SOX5: variants seen among roughly 807,000 people sequenced by gnomAD.
SOX5 encodes transcription factor SOX-5.
In SOX5, 9 loss-of-function variants were observed where a neutral mutation model predicts 92.0. The observed-to-expected ratio is 0.10, with a 90% CI of 0.06 to 0.17. The LOEUF (loss-of-function observed/expected upper bound fraction) is 0.17. SOX5 is among the 10% of genes least tolerant of loss of function. SOX5 has a pLI of 1.00. For missense variants in SOX5, 642 were observed against 944.5 expected (o/e 0.68, Z 4.20); for synonymous variants, 344 against 336.3 (o/e 1.02, Z -0.25).
In SOX5 at chr12:23,841,917, T is replaced by TA. The variant is rs1568254811; in HGVS notation, c.481+4065_481+4066insT. Among the ~76,000 whole-genome samples, 158 of 152,274 alleles carry TA rather than the reference T, an allele frequency of 1.0e-3. 1 individual carries two copies. The highest frequency in any genetic ancestry group is 3.7e-3 in the African/African-American group (152 of 41,574). On this transcript the variant is annotated intron_variant, in intron 3 of 14. Transcript: ENST00000451604. The stretch of plus-strand genomic sequence containing the variant: ...CTGCATTATACATTGTACATTTCTA[T>TA]GCATTTGCACATATAAATGTATAAT...
intron 7 of SOX5, 67 bp from the exon 8 acceptor site, chr12:23,640,964 G>A: frequency 9.5e-7 from 1 of 1,051,064 alleles, no homozygotes; most frequent in Non-Finnish European, 1.4e-6. Context: ...TTAAACTCAT[G>A]CATTCACTCT....
chr12:24,162,657 T>C (rs1435706751), intron 4 of SOX5, among the ~76,000 whole-genome samples: 2 of 152,166 alleles, frequency 1.3e-5, no homozygotes, highest in Non-Finnish European at 2.9e-5. Flanking sequence ...TCCTTTATCC[T>C]CTGGGAAAAC....
At chr12:24,141,149 C>T (rs1379295357) in intron 4 of SOX5, among the ~76,000 whole-genome samples, 1 of 152,132 alleles carries the variant, frequency 6.6e-6, no homozygotes, top group African/African-American at 2.4e-5. Flanking sequence ...CTCTGCAAAC[C>T]TCTCTTCATG....
chr12:24,380,542 A>G (rs1957723129), intron 1 of SOX5, among the ~76,000 whole-genome samples: 1 of 152,220 alleles, frequency 6.6e-6, no homozygotes, highest in Admixed American at 6.5e-5. Flanking sequence ...TAACCTCAGA[A>G]GTTTTGTGAT....
chr12:24,045,690 A>T (rs1956932480), intron 4 of SOX5, among the ~76,000 whole-genome samples: 1 of 152,136 alleles, frequency 6.6e-6, no homozygotes, highest in South Asian at 2.1e-4. Context: ...GCTATTTGTA[A>T]ATTTCAATGT....
chr12:24,312,104 T>C (rs547969524), intron 2 of SOX5, among the ~76,000 whole-genome samples: 4 of 152,322 alleles, frequency 2.6e-5, no homozygotes, highest in Non-Finnish European at 5.9e-5. Flanking sequence ...TCAACTAACA[T>C]TGAGACCACA....
At chr12:23,786,160 T>C (rs1488732673) in intron 3 of SOX5, among the ~76,000 whole-genome samples, 9 of 152,038 alleles carry the variant, frequency 5.9e-5, no homozygotes, top group Non-Finnish European at 1.2e-4. Context: ...AGTTTTGTTA[T>C]AATAGGATAT....
At chr12:23,717,679 TC>T (rs1043612713) in intron 6 of SOX5, among the ~76,000 whole-genome samples, 29 of 152,264 alleles carry the variant, frequency 1.9e-4, no homozygotes, top group African/African-American at 6.7e-4. Flanking sequence ...TGGGCAGACA[TC>T]CCACTGATAT....
At chr12:24,263,544 AAAAAAAAAC>A (rs1594932687) in intron 3 of SOX5, among the ~76,000 whole-genome samples, 3 of 149,518 alleles carry the variant, frequency 2.0e-5, no homozygotes, top group African/African-American at 7.3e-5. Flanking sequence ...AAAAAAACAA[AAAAAAAAAC>A]AAAAACAAGA....
intron 4 of SOX5, among the ~76,000 whole-genome samples, chr12:24,178,651 A>T (rs764115178): frequency 2.0e-5 from 3 of 152,244 alleles, no homozygotes; most frequent in African/African-American, 4.8e-5. Context: ...CCTTGTGAAA[A>T]GTATTTTAGA....
rs188727711 is a variant in SOX5 at position 24,424,463 on chromosome 12, C to T, written c.-250-55824G>A. On this transcript the variant is annotated intron_variant, in intron 1 of 4. Coordinates refer to the SOX5 transcript ENST00000446891. ...TTGCCATAATTGTTAGTTTTTATGG[C>T]ATATACTAGTGTTTAAACAAGCACT... 3.9e-4 allele frequency among the ~76,000 whole-genome samples: 59 copies of T among 152,126 alleles called. 1 individual carries two copies. The Middle Eastern group carries it at 0.017, about 44-fold the overall frequency.
chr12:24,273,074 A>G (rs555127923), intron 3 of SOX5, among the ~76,000 whole-genome samples: 1 of 152,172 alleles, frequency 6.6e-6, no homozygotes, highest in African/African-American at 2.4e-5. Context: ...CTCTACTAAA[A>G]GTATAAAAGA....
rs145237573 is a variant in SOX5, at chr12:24,278,114, G to A, written c.-173-802C>T. Among the ~76,000 whole-genome samples, 1,014 of 152,214 alleles carry A rather than the reference G, an allele frequency of 6.7e-3. 10 individuals are homozygous for A. Among genetic ancestry groups the A allele is most frequent in the Middle Eastern group, 0.044 (13 of 294 alleles). ...GCCTTGATTCTGGCTCAGTCGCTCC[G>A]CTATTAGTCCAATTCAAGGGAAATT... On this transcript the variant is annotated intron_variant, in intron 2 of 4. Transcript: ENST00000446891.
At chr12:23,549,406 A>G (rs1943751960) in intron 11 of SOX5, among the ~76,000 whole-genome samples, 2 of 151,944 alleles carry the variant, frequency 1.3e-5, no homozygotes, top group South Asian at 2.1e-4. Flanking sequence ...GATAAAAATC[A>G]TGTTACTCAA....
chr12:23,802,682 A>G (rs1269196127), intron 3 of SOX5, among the ~76,000 whole-genome samples: 4 of 152,214 alleles, frequency 2.6e-5, no homozygotes, highest in Non-Finnish European at 5.9e-5. Flanking sequence ...ATCAGCTATA[A>G]TTGTTTTGTA....
intron 11 of SOX5, among the ~76,000 whole-genome samples, chr12:23,554,860 A>C (rs1276887037): frequency 1.3e-5 from 2 of 152,172 alleles, no homozygotes; most frequent in African/African-American, 4.8e-5. Context: ...CTAAATATAG[A>C]GAGTAACTGC....
rs762890086 is a variant in SOX5 at position 23,530,285 on chromosome 12, T to C, written c.*3934A>G. On this transcript the variant is annotated 3_prime_UTR_variant, in exon 15 of 15. Coordinates refer to ENST00000451604, the MANE Select transcript of SOX5 (RefSeq NM_006940.6). ...ATTAGAATGAGTGAAAGTGTAATTATTTTTTATGTTTTAAATGTGATATAA... is the reference window on the plus strand; with the variant it reads ...ATTAGAATGAGTGAAAGTGTAATTACTTTTTATGTTTTAAATGTGATATAA... 6.6e-6 allele frequency: 1 copy of C among 152,214 alleles called. No homozygotes were observed. Among genetic ancestry groups the C allele is most frequent in the African/African-American group, 2.4e-5 (1 of 41,456 alleles). 9.4% of individuals were successfully genotyped at this position (152,214 alleles called of 1,614,324 possible).
At chr12:24,228,027 T>C (rs1253195411) in intron 3 of SOX5, among the ~76,000 whole-genome samples, 1 of 152,190 alleles carries the variant, frequency 6.6e-6, no homozygotes, top group Non-Finnish European at 1.5e-5. Context: ...AGAGTGGATC[T>C]GGGGAACCGA....
At chr12:23,756,350 G>A (rs2094378081) in intron 3 of SOX5, among the ~76,000 whole-genome samples, 1 of 151,766 alleles carries the variant, frequency 6.6e-6, no homozygotes, top group Admixed American at 6.6e-5. Context: ...TTTCAGATTT[G>A]TATCACACTC....
Sources: allele counts gnomAD v4.1 joint callset (sites outside exome capture counted in the v4.1 genomes callset), GRCh38; gene constraint gnomAD v4.1.1; transcripts MANE v1.5; gene names NCBI Gene and HGNC (gene_info 2026-07-23, HGNC 2026-07-21).